PARL: variants seen among roughly 807,000 people sequenced by gnomAD.
PARL encodes the protein presenilin-associated rhomboid-like protein, mitochondrial.
Under a neutral mutation model 51.6 loss-of-function variants are expected in PARL, and 44 were observed. The ratio of observed to expected loss-of-function variants is 0.85; its 90% CI spans 0.67 to 1.10. The LOEUF is 1.10. PARL is among the 50% of genes least tolerant of loss of function. The pLI, the probability that PARL is intolerant of heterozygous loss-of-function variation, is 0.00. For missense variants in PARL, 441 were observed against 469.5 expected, an observed-to-expected ratio of 0.94 and a Z score of 0.56; for synonymous variants, 172 against 164.0, an observed-to-expected ratio of 1.05 and a Z score of -0.37.
chr3:183,844,974 C>CT (rs1161590368), intron 4 of PARL, among the ~76,000 whole-genome samples: 2 of 152,130 alleles, frequency 1.3e-5, no homozygotes, highest in African/African-American at 4.8e-5. Context: ...ATATAATTAA[C>CT]TTGTTACATT....
chr3:183,848,255 CTTTTT>C (rs1482649162), intron 4 of PARL, among the ~76,000 whole-genome samples: 1 of 152,072 alleles, frequency 6.6e-6, no homozygotes, highest in Non-Finnish European at 1.5e-5. Flanking sequence ...TCATTTTTTT[CTTTTT>C]TGAGACGGAG....
Position 183,844,165 on chromosome 3 carries a change from T to C in PARL, c.607+66A>G, listed in dbSNP as rs1453655915. ...ATTCGTCTTTTTTACAGCACTTCCA[T>C]TAACTAAAGCATATTTCTTTCATAT... On this transcript the variant is annotated intron_variant, in intron 5 of 9. Transcript: ENST00000317096. 46 of 1,116,722 alleles carry C rather than the reference T, an allele frequency of 4.1e-5. No homozygotes were observed. The East Asian group carries it at 1.1e-3, about 26-fold the overall frequency. The allele number at this position is 1,116,722 out of a possible 1,614,324, so 69.2% of individuals were successfully genotyped here.
At chr3:183,849,775 T>A (rs912097158) in intron 4 of PARL, among the ~76,000 whole-genome samples, 2 of 151,956 alleles carry the variant, frequency 1.3e-5, no homozygotes, top group Non-Finnish European at 2.9e-5. Flanking sequence ...ATTACAAAAG[T>A]CATCTCATAC....
At chr3:183,831,672 G>C (rs1245313285) in intron 9 of PARL, among the ~76,000 whole-genome samples, 2 of 152,124 alleles carry the variant, frequency 1.3e-5, no homozygotes, top group Non-Finnish European at 2.9e-5. Context: ...TTTGGTCAGA[G>C]GCAAAGTCAG....
At chr3:183,856,146 C>T (rs1475508636) in intron 4 of PARL, among the ~76,000 whole-genome samples, 2 of 152,182 alleles carry the variant, frequency 1.3e-5, no homozygotes, top group East Asian at 3.9e-4. Flanking sequence ...GGCAGATGCA[C>T]TGATTTGGAA....
rs1020498428 is a variant in PARL, at chr3:183,867,462, A to T, written c.321+403T>A. 5.9e-5 allele frequency among the ~76,000 whole-genome samples: 9 copies of T among 152,136 alleles called. No homozygotes were observed. In the East Asian group the frequency reaches 1.6e-3, roughly 26 times the overall value. The stretch of plus-strand genomic sequence containing the variant: ...ACTCCTGTAATCCCAGAACTTTGGG[A>T]GGCCAAGGCGGGCGGATCATGAGGT... On this transcript the variant is annotated intron_variant, in intron 2 of 9. Transcript: ENST00000317096.
chr3:183,832,703 G>A (rs1019475105), intron 9 of PARL, among the ~76,000 whole-genome samples: 5 of 152,250 alleles, frequency 3.3e-5, no homozygotes, highest in Admixed American at 1.3e-4. Context: ...CCGTGTTTCC[G>A]TGATACAGTT....
chr3:183,851,619 A>G (rs1730555555), intron 4 of PARL, among the ~76,000 whole-genome samples: 1 of 152,174 alleles, frequency 6.6e-6, no homozygotes, highest in Non-Finnish European at 1.5e-5. Flanking sequence ...ACCAGGATGG[A>G]TATAATAAAG....
chr3:183,861,413 G>A (rs1176766454), intron 4 of PARL: 1 of 155,800 alleles, frequency 6.4e-6, no homozygotes, highest in Non-Finnish European at 1.4e-5. Flanking sequence ...CTGCCCTCAA[G>A]GATGTTACAC....
At chr3:183,838,396 T>C (rs1728904276) in intron 7 of PARL, among the ~76,000 whole-genome samples, 1 of 152,220 alleles carries the variant, frequency 6.6e-6, no homozygotes, top group African/African-American at 2.4e-5. Context: ...ACAACACAAC[T>C]TTGTTAATGG....
At chr3:183,883,962 G>A (rs759742673) in intron 1 of PARL, among the ~76,000 whole-genome samples, 1 of 152,230 alleles carries the variant, frequency 6.6e-6, no homozygotes, top group Non-Finnish European at 1.5e-5. Flanking sequence ...CAGCAATCAG[G>A]TGGATTCGAG....
intron 7 of PARL, among the ~76,000 whole-genome samples, chr3:183,838,405 G>A (rs1462280452): frequency 6.6e-6 from 1 of 152,088 alleles, no homozygotes; most frequent in East Asian, 1.9e-4. Context: ...CTTTGTTAAT[G>A]GTGTTTTTTT....
chr3:183,864,097 C>A (rs1005124977), intron 3 of PARL, among the ~76,000 whole-genome samples: 1 of 152,200 alleles, frequency 6.6e-6, no homozygotes, highest in African/African-American at 2.4e-5. Context: ...AATACATTGA[C>A]TGAACAGATG....
At chr3:183,866,533 C>T (rs1303285916) in intron 3 of PARL, 92 bp downstream of exon 3, 2 of 956,000 alleles carry the variant, frequency 2.1e-6, no homozygotes, top group Non-Finnish European at 3.4e-6. Context: ...TATGTGAATG[C>T]ATCATGTACA....
At chr3:183,852,251 C>T (rs888599852) in intron 4 of PARL, among the ~76,000 whole-genome samples, 3 of 152,022 alleles carry the variant, frequency 2.0e-5, no homozygotes, top group Non-Finnish European at 4.4e-5. Flanking sequence ...TGGAGACAAC[C>T]CAAATGTCCA....
At position 183,867,794 on chromosome 3, in the gene PARL, C is replaced by T. The variant is rs938205671; in HGVS notation, c.321+71G>A. 1.2e-4 allele frequency: 132 copies of T among 1,131,062 alleles called. 1 individual carries two copies. The highest frequency in any genetic ancestry group is 8.5e-4 in the Middle Eastern group (3 of 3,538). 70.1% of individuals were successfully genotyped at this position (1,131,062 alleles called of 1,614,324 possible). On this transcript the variant is annotated intron_variant, in intron 2 of 9. Coordinates refer to ENST00000317096, the MANE Select transcript of PARL (RefSeq NM_018622.7). The stretch of plus-strand genomic sequence containing the variant: ...TACCTGTCCTTACTTTAAGGGAGCC[C>T]AAATGGGACAAAGTACTTTAACACT...
At chr3:183,867,550 A>C (rs905472254) in intron 2 of PARL, among the ~76,000 whole-genome samples, 3 of 152,042 alleles carry the variant, frequency 2.0e-5, no homozygotes, top group Non-Finnish European at 4.4e-5. Context: ...AATACAAAAA[A>C]TTAGCCAGGC....
chr3:183,860,552 A>AT (rs1237294265), intron 4 of PARL, among the ~76,000 whole-genome samples: 1 of 152,212 alleles, frequency 6.6e-6, no homozygotes, highest in African/African-American at 2.4e-5. Context: ...TACGCTCTTC[A>AT]TGCCAAATGG....
rs1324382461 is a variant in PARL, at chr3:183,867,922, A to G, written c.264T>C (p.Phe88=). ...TCCTTATAGGATAGGGAGAAGGATA[A>G]AAGACTGTTTCTTCCACAGGAGGAA... is the stretch of plus-strand genomic sequence containing the variant. ...ALIPPVEETV[F]YPSPYPIRSL... Residue 88 remains phenylalanine, a synonymous_variant, in exon 2 of 10, where the codon TTT becomes TTC. Coordinates refer to ENST00000317096, the MANE Select transcript of PARL (RefSeq NM_018622.7). The G allele has an allele frequency of 5.6e-6, 9 of 1,613,884 alleles. No individual in the cohort carries two copies. The South Asian group carries it at 8.8e-5, about 16-fold the overall frequency.
Sources: gnomAD v4.1 joint callset for allele counts (sites outside exome capture counted in the v4.1 genomes callset) on GRCh38, gnomAD v4.1.1 for gene constraint, MANE v1.5 for transcripts, NCBI Gene and HGNC (gene_info 2026-07-23, HGNC 2026-07-21) for gene names.